CPED1: variants seen among roughly 807,000 people sequenced by gnomAD.
The protein encoded by CPED1 is cadherin like and PC-esterase domain containing 1, also known as cadherin-like and PC-esterase domain-containing protein 1.
A neutral mutation model predicts 128.2 loss-of-function variants in CPED1; 114 were observed. The observed-to-expected ratio is 0.89, with a 90% CI of 0.76 to 1.04. CPED1 has a LOEUF of 1.04. Ranked by LOEUF, CPED1 falls within the 50% of genes least tolerant of loss-of-function variation. The pLI is 0.00. For synonymous variants in CPED1, 462 were observed against 426.7 expected (o/e 1.08, Z -1.02); for missense variants, 1,211 against 1,207.1 (o/e 1.00, Z -0.05).
chr7:121,205,353 C>G (rs1343694366), intron 16 of CPED1, among the ~76,000 whole-genome samples: 1 of 151,946 alleles, frequency 6.6e-6, no homozygotes, highest in Non-Finnish European at 1.5e-5. Context: ...TATTTCATCC[C>G]TCTTATATTT....
rs1487308506 is a variant in CPED1, at chr7:121,140,976, C to T, written c.1849C>T (p.Leu617=). Residue 617 remains leucine, a synonymous_variant, in exon 15 of 23, where the codon CTG becomes TTG. Coordinates refer to ENST00000310396, the MANE Select transcript of CPED1 (RefSeq NM_024913.5). ...VTIGVETPKC[L]CKVHLYEQAG... is the part of the protein sequence containing the mutation. ...AATTGGAGTGGAAACTCCTAAGTGT[C>T]TGTGCAAGGTGCACCTGTACGAGCA... The T allele has an allele frequency of 1.1e-5, 18 of 1,612,376 alleles. No individual in the cohort carries two copies. Among genetic ancestry groups the T allele is most frequent in the Admixed American group, 1.7e-5 (1 of 59,766 alleles).
intron 16 of CPED1, among the ~76,000 whole-genome samples, chr7:121,189,897 G>A (rs1046983722): frequency 6.7e-6 from 1 of 149,638 alleles, no homozygotes; most frequent in Non-Finnish European, 1.5e-5. Flanking sequence ...ATAAATACTT[G>A]CAACAAGTAT....
chr7:121,141,684 G>A lies in CPED1; in HGVS notation c.1887-289G>A, dbSNP rs187148559. Among the ~76,000 whole-genome samples, 186 of 152,088 alleles carry A rather than the reference G, an allele frequency of 1.2e-3. 1 individual carries two copies. In the Middle Eastern group the frequency reaches 0.017, roughly 14 times the overall value. On this transcript the variant is annotated intron_variant, in intron 15 of 22. Transcript: ENST00000310396. ...TATTTAAAATGGGGACAATCCTATT[G>A]TATTAAATGAGATAATGTGTGACCC...
rs115586968 is a variant in CPED1 at position 121,057,877 on chromosome 7, G to A, written c.541-6361G>A. Among the ~76,000 whole-genome samples, 800 of 152,270 alleles carry A rather than the reference G, an allele frequency of 5.3e-3. 4 individuals carry two copies. The highest frequency in any genetic ancestry group is 0.013 in the African/African-American group (537 of 41,538). The stretch of plus-strand genomic sequence containing the variant: ...TCGCTAAGTAATAATATGATAGATG[G>A]TAAAGAGCACTAAGGAGAAAAATAA... On this transcript the variant is annotated intron_variant, in intron 4 of 22. Coordinates refer to ENST00000310396, the MANE Select transcript of CPED1 (RefSeq NM_024913.5).
Position 121,259,690 on chromosome 7 carries a change from C to G in CPED1, c.2311-6537C>G, listed in dbSNP as rs147500213. ...AGAAATATGACAATCAAATTTACAA[C>G]TGCAAAAACTTAGAAGCCTGACCTA... On this transcript the variant is annotated intron_variant, in intron 18 of 22. Coordinates refer to ENST00000310396, the MANE Select transcript of CPED1 (RefSeq NM_024913.5). Among the ~76,000 whole-genome samples, 1,032 of 152,064 alleles carry G rather than the reference C, an allele frequency of 6.8e-3. 9 individuals are homozygous for G. Among genetic ancestry groups the G allele is most frequent in the African/African-American group, 0.023 (946 of 41,522 alleles).
chr7:121,186,138 A>G (rs947684088), intron 16 of CPED1, among the ~76,000 whole-genome samples: 2 of 152,180 alleles, frequency 1.3e-5, no homozygotes, highest in African/African-American at 4.8e-5. Context: ...ACTATTCTGT[A>G]TCCAAGACCT....
chr7:120,989,870 G>GGTAA lies in CPED1; in HGVS notation c.249+2_249+5dup. 6.2e-7 allele frequency: 1 copy of GGTAA among 1,613,992 alleles called. No homozygotes were observed. On this transcript the variant is annotated frameshift_variant and splice_region_variant. Coordinates refer to ENST00000310396, the MANE Select transcript of CPED1 (RefSeq NM_024913.5). LOFTEE classifies it high-confidence loss of function. The stretch of plus-strand genomic sequence containing the variant: ...CTGGTAATGCCCAGGAAACCAGAAA[G>GGTAA]GTAAGACTCTCATAAGCTTAACGGA...
intron 17 of CPED1, among the ~76,000 whole-genome samples, chr7:121,243,787 ATTATAC>A (rs1409735256): frequency 2.0e-5 from 3 of 152,358 alleles, no homozygotes; most frequent in East Asian, 1.9e-4. Flanking sequence ...GAATAGATCT[ATTATAC>A]TTATGGACAG....
chr7:120,989,385 A>G lies in CPED1; in HGVS notation c.-231-6A>G, dbSNP rs1585001826. The G allele has an allele frequency of 3.8e-6, 2 of 521,016 alleles. No homozygotes were observed. The highest frequency in any genetic ancestry group is 6.9e-6 in the Non-Finnish European group (2 of 290,718). The allele number at this position is 521,016 out of a possible 1,614,324, so 32.3% of individuals were successfully genotyped here. A position where few individuals can be genotyped will look rare whatever the true frequency, so the allele number is the denominator to read the frequency against. ...ATTATTATTTGATGTCTTTTTTTAA[A>G]CTCAGGTCATCCACTTTTGACTGTC... On this transcript the variant is annotated splice_region_variant and splice_polypyrimidine_tract_variant and intron_variant, in intron 1 of 22. Transcript: ENST00000310396.
intron 3 of CPED1, among the ~76,000 whole-genome samples, chr7:121,023,453 T>C (rs1283813472): frequency 1.3e-5 from 2 of 152,176 alleles, no homozygotes; most frequent in African/African-American, 4.8e-5. Flanking sequence ...TGCTGTATTA[T>C]GTAGCAGAAT....
intron 16 of CPED1, among the ~76,000 whole-genome samples, chr7:121,194,554 T>A (rs981044535): frequency 6.6e-6 from 1 of 151,994 alleles, no homozygotes; most frequent in Non-Finnish European, 1.5e-5. Flanking sequence ...TGGTTTGGGG[T>A]TTTGGTTTTT....
intron 2 of CPED1, among the ~76,000 whole-genome samples, chr7:121,013,460 G>A (rs983545306): frequency 6.6e-6 from 1 of 152,156 alleles, no homozygotes; most frequent in Admixed American, 6.5e-5. Flanking sequence ...AAGCTACTAT[G>A]TTAACATGTG....
chr7:121,086,614 A>T (rs1267108067), intron 5 of CPED1, among the ~76,000 whole-genome samples: 1 of 152,210 alleles, frequency 6.6e-6, no homozygotes, highest in Non-Finnish European at 1.5e-5. Context: ...TAGATACTGC[A>T]AATTTTTTAA....
chr7:121,129,310 T>C (rs1028190620), intron 11 of CPED1, among the ~76,000 whole-genome samples: 782 of 4,192 alleles, frequency 0.19, 7 homozygotes, highest in Non-Finnish European at 0.38. Flanking sequence ...TATATATATA[T>C]ACGTATATAT....
chr7:121,190,677 AAG>A (rs982511977), intron 16 of CPED1, among the ~76,000 whole-genome samples: 43 of 152,244 alleles, frequency 2.8e-4, no homozygotes, highest in Non-Finnish European at 6.0e-4. Flanking sequence ...AAAATAAAGA[AAG>A]AAATAATTTT....
intron 3 of CPED1, among the ~76,000 whole-genome samples, chr7:121,032,766 G>C (rs1244656366): frequency 2.6e-5 from 4 of 152,092 alleles, no homozygotes; most frequent in Admixed American, 2.6e-4. Context: ...TAGGAATGAT[G>C]CAGTTTAATA....
chr7:120,994,656 T>TGTGTGTGTGC (rs1554418485), intron 2 of CPED1, among the ~76,000 whole-genome samples: 1 of 95,372 alleles, frequency 1.0e-5, no homozygotes, highest in Admixed American at 9.1e-5. Context: ...TGTGTGTGTG[T>TGTGTGTGTGC]GTGTTGTTGT....
intron 7 of CPED1, among the ~76,000 whole-genome samples, chr7:121,115,680 G>A (rs1289487010): frequency 1.3e-5 from 2 of 152,096 alleles, no homozygotes; most frequent in Non-Finnish European, 2.9e-5. Context: ...ACTTAGTACA[G>A]ATATTACCGG....
At chr7:121,266,527 C>A in intron 19 of CPED1, 80 bp downstream of exon 19, 1 of 1,268,678 alleles carries the variant, frequency 7.9e-7, no homozygotes, top group South Asian at 1.2e-5. Flanking sequence ...CTCAACTACT[C>A]ACTGTACATC....
Sources: gnomAD v4.1 joint callset for allele counts (sites outside exome capture counted in the v4.1 genomes callset) on GRCh38, gnomAD v4.1.1 for gene constraint, MANE v1.5 for transcripts, NCBI Gene and HGNC (gene_info 2026-07-23, HGNC 2026-07-21) for gene names.